AKR1E2: variants seen among roughly 807,000 people sequenced by gnomAD.
AKR1E2 encodes the protein aldo-keto reductase family 1 member E2.
In AKR1E2, 43 loss-of-function variants were observed where a neutral mutation model predicts 41.9. The observed-to-expected ratio is 1.03, with a 90% CI of 0.80 to 1.32. The LOEUF is 1.32. AKR1E2 is among the 40% of genes most tolerant of loss of function. AKR1E2 has a pLI of 0.00. For missense variants in AKR1E2, 423 were observed against 396.5 expected (o/e 1.07, Z -0.57); for synonymous variants, 121 against 138.9 (o/e 0.87, Z 0.91).
intron 2 of AKR1E2, among the ~76,000 whole-genome samples, chr10:4,832,922 A>G (rs1247428195): frequency 6.6e-6 from 1 of 152,354 alleles, no homozygotes. Context: ...CCTATAGGCT[A>G]ACCCACATGG....
At chr10:4,833,584 C>A in intron 3 of AKR1E2, 118 bp downstream of exon 3, 1 of 814,068 alleles carries the variant, frequency 1.2e-6, no homozygotes, top group Non-Finnish European at 2.1e-6. Flanking sequence ...TCCCAGGCTG[C>A]ATCTGCCACA....
chr10:4,825,510 G>C (rs966902768), upstream of AKR1E2, among the ~76,000 whole-genome samples: 1 of 152,114 alleles, frequency 6.6e-6, no homozygotes. Flanking sequence ...AAGCAAGGAC[G>C]CTCCCCTCTA....
chr10:4,855,907 C>T, the AKR1E2 span, among the ~76,000 whole-genome samples: 6 of 152,246 alleles, frequency 3.9e-5, no homozygotes, highest in Middle Eastern at 3.4e-3. Flanking sequence ...TCGGAGCATT[C>T]GATTCTAGAT....
chr10:4,847,107 A>G (rs1162544973), intron 8 of AKR1E2, 41 bp from the exon 9 acceptor site: 2 of 1,612,412 alleles, frequency 1.2e-6, no homozygotes, highest in South Asian at 2.2e-5. Context: ...TTAAATGTGA[A>G]TTAAACTAAG....
chr10:4,869,142 C>G, the AKR1E2 span, among the ~76,000 whole-genome samples: 1 of 152,084 alleles, frequency 6.6e-6, no homozygotes, highest in Non-Finnish European at 1.5e-5. Context: ...CATTTATAAG[C>G]AATCCCCAGT....
upstream of AKR1E2, among the ~76,000 whole-genome samples, chr10:4,826,013 C>T (rs1375676862): frequency 6.6e-6 from 1 of 152,228 alleles, no homozygotes; most frequent in Non-Finnish European, 1.5e-5. Context: ...ATTCCGTCGT[C>T]TATGCCGCCA....
intron 1 of AKR1E2, among the ~76,000 whole-genome samples, chr10:4,828,883 C>G (rs1333992097): frequency 6.6e-6 from 1 of 152,134 alleles, no homozygotes; most frequent in Non-Finnish European, 1.5e-5. Flanking sequence ...CTTGTTTCAC[C>G]TGCTATATTC....
At chr10:4,839,667 T>C in intron 5 of AKR1E2, 62 bp from the exon 6 acceptor site, 6 of 1,486,822 alleles carry the variant, frequency 4.0e-6, no homozygotes, top group Non-Finnish European at 5.6e-6. Context: ...AGGTCTTCTC[T>C]TGTAGAGCTT....
the AKR1E2 span, among the ~76,000 whole-genome samples, chr10:4,866,854 G>A: frequency 0.014 from 2,121 of 152,038 alleles, 20 homozygotes; most frequent in Non-Finnish European, 0.02. Flanking sequence ...TTCCTGGGTG[G>A]GGGCCACAAT....
At chr10:4,871,376 T>C in the AKR1E2 span, among the ~76,000 whole-genome samples, 1 of 152,166 alleles carries the variant, frequency 6.6e-6, no homozygotes, top group Non-Finnish European at 1.5e-5. Flanking sequence ...TAAGTAACTT[T>C]TAAAATTAAA....
chr10:4,864,458 T>C, the AKR1E2 span, among the ~76,000 whole-genome samples: 1 of 152,042 alleles, frequency 6.6e-6, no homozygotes, highest in Non-Finnish European at 1.5e-5. Context: ...ATGGGACATA[T>C]CTCAAAATAA....
intron 2 of AKR1E2, among the ~76,000 whole-genome samples, chr10:4,831,587 T>C (rs1451226201): frequency 6.6e-6 from 1 of 152,272 alleles, no homozygotes; most frequent in East Asian, 1.9e-4. Flanking sequence ...CCCCCATGAT[T>C]CAGTTACCTC....
chr10:4,857,349 G>C, the AKR1E2 span, among the ~76,000 whole-genome samples: 39,177 of 151,862 alleles, frequency 0.26, 5,246 homozygotes, highest in Middle Eastern at 0.37. Context: ...ACTTGGTACT[G>C]TATAGTGAAT....
At chr10:4,855,393 G>A in the AKR1E2 span, among the ~76,000 whole-genome samples, 2 of 151,958 alleles carry the variant, frequency 1.3e-5, no homozygotes, top group Non-Finnish European at 2.9e-5. Flanking sequence ...TACACCTGCT[G>A]TTCAAGATGG....
the AKR1E2 span, among the ~76,000 whole-genome samples, chr10:4,854,340 C>T: frequency 6.6e-6 from 1 of 152,160 alleles, no homozygotes; most frequent in Admixed American, 6.5e-5. Flanking sequence ...GATCTGCCCA[C>T]CTTGGCCTCC....
chr10:4,825,925 AG>A (rs917881026), upstream of AKR1E2, among the ~76,000 whole-genome samples: 76 of 151,730 alleles, frequency 5.0e-4, 1 homozygote, highest in African/African-American at 1.8e-3. Context: ...GTCACACCTA[AG>A]GTGGGGGCGT....
intron 7 of AKR1E2, 128 bp downstream of exon 7, chr10:4,841,985 A>T (rs1588471857): frequency 6.9e-6 from 5 of 725,320 alleles, no homozygotes; most frequent in Admixed American, 3.3e-5. Context: ...ACTCATTAGA[A>T]CCTCCCAGCG....
At chr10:4,846,998 T>TCAC in intron 8 of AKR1E2, 150 bp from the exon 9 acceptor site, 1 of 810,324 alleles carries the variant, frequency 1.2e-6, no homozygotes, top group South Asian at 1.9e-5. Flanking sequence ...ATCCAGGCTG[T>TCAC]GATTCAGGGA....
At chr10:4,847,417 C>T (rs1834413538) in intron 9 of AKR1E2, 71 bp from the exon 10 acceptor site, 1 of 1,574,288 alleles carries the variant, frequency 6.4e-7, no homozygotes, top group African/African-American at 1.4e-5. Flanking sequence ...AAGTATATAC[C>T]ATTTAAAATG....
Sources: allele counts gnomAD v4.1 joint callset (sites outside exome capture counted in the v4.1 genomes callset), GRCh38; gene constraint gnomAD v4.1.1; transcripts MANE v1.5; gene names NCBI Gene and HGNC (gene_info 2026-07-23, HGNC 2026-07-21).